GALNT13: variants seen among roughly 807,000 people sequenced by gnomAD.
GALNT13 encodes the protein UDP-GalNAc:polypeptide N-acetylgalactosaminyltransferase 13.
In GALNT13, 28 loss-of-function variants were observed where a neutral mutation model predicts 64.2. The observed-to-expected ratio is 0.44, with a 90% CI of 0.32 to 0.60. GALNT13 has a LOEUF of 0.60. Among genes scored for constraint, GALNT13 ranks in the 20% least tolerant of loss-of-function variants. The pLI, the probability that GALNT13 is intolerant of heterozygous loss-of-function variation, is 0.05. For missense variants in GALNT13, 577 were observed against 669.8 expected (o/e 0.86, Z 1.53); for synonymous variants, 214 against 224.6 (o/e 0.95, Z 0.42).
the GALNT13 span, among the ~76,000 whole-genome samples, chr2:153,643,082 A>G: frequency 6.6e-6 from 1 of 151,574 alleles, no homozygotes; most frequent in South Asian, 2.1e-4. Flanking sequence ...CTTTTATAGT[A>G]GAAAAATAGT....
the GALNT13 span, among the ~76,000 whole-genome samples, chr2:153,671,029 C>A: frequency 5.4e-3 from 822 of 152,204 alleles, 7 homozygotes; most frequent in African/African-American, 0.019. Context: ...TGAACAAAGC[C>A]TCCAAGAAAT....
intron 7 of GALNT13, among the ~76,000 whole-genome samples, chr2:154,252,091 A>C (rs1282150233): frequency 6.6e-6 from 1 of 151,590 alleles, no homozygotes; most frequent in African/African-American, 2.4e-5. Context: ...TTATTTGAAC[A>C]TTATAAATAA....
At chr2:153,514,050 G>GT in the GALNT13 span, among the ~76,000 whole-genome samples, 2 of 152,020 alleles carry the variant, frequency 1.3e-5, no homozygotes, top group African/African-American at 2.4e-5. Flanking sequence ...CCAATCTAAA[G>GT]TTTTTAATTT....
At position 154,453,327 on chromosome 2, in the gene GALNT13, C is replaced by T. The variant is rs1169343697; in HGVS notation, c.*2776C>T. On this transcript the variant is annotated 3_prime_UTR_variant, in exon 13 of 13. Transcript: ENST00000392825. The stretch of plus-strand genomic sequence containing the variant: ...TGAGTGTTACCCCTCTACACGTCCA[C>T]ACCACTCACCACACATACATACACA... 2 of 152,094 alleles carry T rather than the reference C, an allele frequency of 1.3e-5. No individual in the cohort carries two copies. Among genetic ancestry groups the T allele is most frequent in the Non-Finnish European group, 2.9e-5 (2 of 68,042 alleles). 9.4% of individuals were successfully genotyped at this position (152,094 alleles called of 1,614,324 possible).
At chr2:153,269,090 G>A in the GALNT13 span, among the ~76,000 whole-genome samples, 1 of 152,182 alleles carries the variant, frequency 6.6e-6, no homozygotes, top group Non-Finnish European at 1.5e-5. Context: ...AATTTCTACA[G>A]CTGGCTTGAA....
chr2:154,381,701 A>G (rs1049433663), intron 9 of GALNT13, among the ~76,000 whole-genome samples: 1 of 152,114 alleles, frequency 6.6e-6, no homozygotes, highest in African/African-American at 2.4e-5. Flanking sequence ...ACCCAAGTCC[A>G]ATCATATTTC....
the GALNT13 span, among the ~76,000 whole-genome samples, chr2:153,150,320 T>C: frequency 2.2e-5 from 2 of 92,732 alleles, no homozygotes; most frequent in Middle Eastern, 0.011. Flanking sequence ...GATGGGGTTG[T>C]TTGTTTTTTT....
At chr2:153,416,066 A>G in the GALNT13 span, among the ~76,000 whole-genome samples, 1 of 152,212 alleles carries the variant, frequency 6.6e-6, no homozygotes, top group Admixed American at 6.5e-5. Flanking sequence ...GAGTAAGCAT[A>G]TGAATGTTGT....
intron 2 of GALNT13, among the ~76,000 whole-genome samples, chr2:153,930,268 C>T (rs1264305015): frequency 5.3e-5 from 8 of 152,064 alleles, no homozygotes; most frequent in South Asian, 4.1e-4. Context: ...TTTGCAGATA[C>T]GTTCTTCCTT....
the GALNT13 span, among the ~76,000 whole-genome samples, chr2:153,485,695 G>A: frequency 6.6e-6 from 1 of 152,066 alleles, no homozygotes; most frequent in Non-Finnish European, 1.5e-5. Context: ...TTGAGCCCAG[G>A]AGTCCCAGAC....
At chr2:154,443,199 C>T (rs1559158035) in intron 12 of GALNT13, among the ~76,000 whole-genome samples, 1 of 152,046 alleles carries the variant, frequency 6.6e-6, no homozygotes, top group Non-Finnish European at 1.5e-5. Context: ...TTCCTATTGA[C>T]CCATAGCTGT....
chr2:153,418,160 C>A, the GALNT13 span, among the ~76,000 whole-genome samples: 12 of 151,998 alleles, frequency 7.9e-5, no homozygotes, highest in Non-Finnish European at 1.5e-4. Context: ...GGATCAGAAC[C>A]AAAGACAGAG....
chr2:153,892,015 C>T lies in GALNT13; in HGVS notation c.-176-8921C>T, dbSNP rs139968669. Among the ~76,000 whole-genome samples, 943 of 152,154 alleles carry T rather than the reference C, an allele frequency of 6.2e-3. 6 individuals are homozygous for T. Among genetic ancestry groups the T allele is most frequent in the Non-Finnish European group, 9.7e-3 (662 of 67,962 alleles). On this transcript the variant is annotated intron_variant, in intron 1 of 12. Transcript: ENST00000392825. The stretch of plus-strand genomic sequence containing the variant: ...CAAAGATCAGCTCACACGAGCAAAA[C>T]CTTGAAGGATTTCTCCAAATCCCCA...
At chr2:153,847,603 A>G in the GALNT13 span, among the ~76,000 whole-genome samples, 1 of 152,092 alleles carries the variant, frequency 6.6e-6, no homozygotes, top group Admixed American at 6.5e-5. Context: ...GAAATTAAAT[A>G]ACACACATCT....
At chr2:153,838,980 A>G in the GALNT13 span, among the ~76,000 whole-genome samples, 1,470 of 151,932 alleles carry the variant, frequency 9.7e-3, 22 homozygotes, top group Middle Eastern at 0.058. Flanking sequence ...TTCTGTGTAT[A>G]GATCTTTCAT....
intron 3 of GALNT13, among the ~76,000 whole-genome samples, chr2:153,979,393 A>G (rs1025307827): frequency 1.3e-5 from 2 of 152,178 alleles, no homozygotes; most frequent in Non-Finnish European, 2.9e-5. Context: ...TAAGTGAACT[A>G]GAGGCACTTA....
chr2:153,477,365 G>A, the GALNT13 span: 1 of 152,564 alleles, frequency 6.6e-6, no homozygotes. Context: ...ATTTATTAAG[G>A]AAATGTTAAA....
At chr2:153,747,054 T>C in the GALNT13 span, among the ~76,000 whole-genome samples, 2 of 152,266 alleles carry the variant, frequency 1.3e-5, no homozygotes, top group Non-Finnish European at 1.5e-5. Context: ...TTAATGTTTT[T>C]GTAATTTTTT....
chr2:153,325,546 A>G, the GALNT13 span, among the ~76,000 whole-genome samples: 1 of 152,040 alleles, frequency 6.6e-6, no homozygotes, highest in Non-Finnish European at 1.5e-5. Flanking sequence ...TAGCTTTTGA[A>G]TTCGTTTGCA....
Sources: allele counts gnomAD v4.1 joint callset (sites outside exome capture counted in the v4.1 genomes callset), GRCh38; gene constraint gnomAD v4.1.1; transcripts MANE v1.5; gene names NCBI Gene and HGNC (gene_info 2026-07-23, HGNC 2026-07-21).